The following PID1 variants were observed in gnomAD, a reference collection of about 807,000 sequenced individuals.
The protein encoded by PID1 is PTB-containing, cubilin and LRP1-interacting protein.
A neutral mutation model predicts 19.1 loss-of-function variants in PID1; 10 were observed. That is an observed-to-expected ratio of 0.52 (90% confidence interval 0.32 to 0.89). PID1 has a LOEUF of 0.89. PID1 is among the 40% of genes least tolerant of loss of function. PID1 has a pLI of 0.03. For synonymous variants in PID1, 130 were observed against 116.0 expected (o/e 1.12, Z -0.78); for missense variants, 248 against 285.3 (o/e 0.87, Z 0.94).
intron 2 of PID1, among the ~76,000 whole-genome samples, chr2:229,078,656 G>A (rs1201130540): frequency 1.3e-5 from 2 of 152,312 alleles, no homozygotes; most frequent in African/African-American, 4.8e-5. Context: ...AGATAATCAT[G>A]TGGTTTTTGT....
chr2:229,058,836 C>T (rs1271764063), intron 2 of PID1, among the ~76,000 whole-genome samples: 5 of 151,214 alleles, frequency 3.3e-5, no homozygotes, highest in Admixed American at 2.0e-4. Context: ...ATGAAATATG[C>T]TTACAGAGAA....
At chr2:229,150,330 G>A (rs1302286321) in intron 2 of PID1, among the ~76,000 whole-genome samples, 19 of 151,894 alleles carry the variant, frequency 1.3e-4, no homozygotes, top group Admixed American at 1.2e-3. Flanking sequence ...GGACATCCAA[G>A]GTTGCCTCAG....
chr2:229,077,703 G>A lies in PID1; in HGVS notation c.178-51595C>T, dbSNP rs75856599. ...AAAGATCAGATGGTTGTGGATGTGC[G>A]GTGTTATTTCTGAGACCTCTGTTCT... On this transcript the variant is annotated intron_variant, in intron 2 of 2. Transcript: ENST00000392055. 2.5e-3 allele frequency among the ~76,000 whole-genome samples: 387 copies of A among 152,152 alleles called. 8 individuals are homozygous for A. The highest frequency in any genetic ancestry group is 7.9e-4 in the Non-Finnish European group (54 of 68,002).
intron 1 of PID1, among the ~76,000 whole-genome samples, chr2:229,259,545 T>C (rs921708409): frequency 1.3e-5 from 2 of 152,262 alleles, no homozygotes; most frequent in Admixed American, 6.5e-5. Flanking sequence ...AGAAGTTTTA[T>C]AACTTTAGGT....
chr2:229,178,359 TAGC>T (rs1690869833), intron 1 of PID1, among the ~76,000 whole-genome samples: 1 of 152,156 alleles, frequency 6.6e-6, no homozygotes, highest in Non-Finnish European at 1.5e-5. Context: ...TGGCAGGCGT[TAGC>T]AGTTGTCTAA....
At chr2:229,261,406 C>G (rs1690458563) in intron 1 of PID1, among the ~76,000 whole-genome samples, 1 of 152,184 alleles carries the variant, frequency 6.6e-6, no homozygotes, top group African/African-American at 2.4e-5. Context: ...GAAACAACCT[C>G]AGAAGACTTG....
rs753730040 is a variant in PID1, at chr2:229,139,025, A to AAG, written c.177+16791_177+16792dup. 2.2e-3 allele frequency among the ~76,000 whole-genome samples: 193 copies of AAG among 88,158 alleles called. 6 individuals are homozygous for AAG. Among genetic ancestry groups the AAG allele is most frequent in the African/African-American group, 7.8e-3 (182 of 23,208 alleles). The allele number at this position is 88,158 out of a possible 152,430, so 57.8% of individuals were successfully genotyped here. A position where few individuals can be genotyped will look rare whatever the true frequency, so the allele number is the denominator to read the frequency against. On this transcript the variant is annotated intron_variant, in intron 2 of 2. Transcript: ENST00000392055. ...AAAGAAAGAAAGAAAGAAAGAAAGAAAGAAAGAAAGAAAGAGAAAGAAAGA... is the reference window on the plus strand; with the variant it reads ...AAAGAAAGAAAGAAAGAAAGAAAGAAAGAGAAAGAAAGAAAGAGAAAGAAAGA...
intron 2 of PID1, among the ~76,000 whole-genome samples, chr2:229,088,264 T>G (rs1694807568): frequency 6.6e-6 from 1 of 152,168 alleles, no homozygotes; most frequent in African/African-American, 2.4e-5. Context: ...TGCCCTTACA[T>G]GTGTCTTCAT....
intron 2 of PID1, among the ~76,000 whole-genome samples, chr2:229,104,057 A>G (rs751607052): frequency 2.0e-5 from 3 of 152,116 alleles, no homozygotes; most frequent in East Asian, 1.9e-4. Context: ...AAGTAATTCT[A>G]CCTTAGCTGG....
intron 1 of PID1, among the ~76,000 whole-genome samples, chr2:229,188,248 T>G (rs780000787): frequency 8.6e-5 from 13 of 151,812 alleles, no homozygotes; most frequent in Admixed American, 3.3e-4. Context: ...TTCTTGGTGG[T>G]CAGCTATGGT....
intron 2 of PID1, among the ~76,000 whole-genome samples, chr2:229,146,910 T>C (rs1690147269): frequency 6.6e-6 from 1 of 152,130 alleles, no homozygotes; most frequent in South Asian, 2.1e-4. Context: ...AAAGAATGGA[T>C]TGTCCCCCTA....
In PID1 at chr2:229,143,086, T is replaced by G. The variant is rs1328774039; in HGVS notation, c.177+12732A>C. 6.1e-5 allele frequency among the ~76,000 whole-genome samples: 9 copies of G among 147,372 alleles called. No homozygotes were observed. In the South Asian group the frequency reaches 2.1e-3, roughly 34 times the overall value. On this transcript the variant is annotated intron_variant, in intron 2 of 2. Coordinates refer to ENST00000392055, the MANE Select transcript of PID1 (RefSeq NM_001100818.2). ...TTGGAAATCATCATTCTCAGTAAAC[T>G]ATCACAAGAACAAAAAACCAAACAC...
At chr2:229,096,695 C>A (rs1216304846) in intron 2 of PID1, among the ~76,000 whole-genome samples, 1 of 152,184 alleles carries the variant, frequency 6.6e-6, no homozygotes, top group Admixed American at 6.5e-5. Context: ...CCTACATACT[C>A]AGAGCTTTCA....
At chr2:229,214,849 TAG>T (rs1202855387) in intron 1 of PID1, among the ~76,000 whole-genome samples, 2 of 151,762 alleles carry the variant, frequency 1.3e-5, no homozygotes, top group Non-Finnish European at 2.9e-5. Flanking sequence ...CATTTTTATA[TAG>T]ATACACACAC....
At chr2:229,176,225 G>A (rs1690820587) in intron 1 of PID1, among the ~76,000 whole-genome samples, 1 of 151,722 alleles carries the variant, frequency 6.6e-6, no homozygotes, top group African/African-American at 2.4e-5. Flanking sequence ...AGAAGGATAT[G>A]GAAACTTGAC....
At chr2:229,116,713 A>G (rs1043685371) in intron 2 of PID1, among the ~76,000 whole-genome samples, 2 of 152,156 alleles carry the variant, frequency 1.3e-5, no homozygotes, top group African/African-American at 2.4e-5. Context: ...CAGAACTGTG[A>G]GTCAGTTAAA....
chr2:229,254,420 G>T (rs548270121), intron 1 of PID1, among the ~76,000 whole-genome samples: 1 of 152,152 alleles, frequency 6.6e-6, no homozygotes, highest in South Asian at 2.1e-4. Context: ...CCAAGTCTGC[G>T]TTACAATGTC....
chr2:229,073,199 G>A (rs942017585), intron 2 of PID1, among the ~76,000 whole-genome samples: 2 of 152,218 alleles, frequency 1.3e-5, no homozygotes, highest in African/African-American at 2.4e-5. Context: ...CTAATTTTTT[G>A]TATTTTTAGT....
intron 1 of PID1, among the ~76,000 whole-genome samples, chr2:229,180,711 A>C: frequency 6.6e-6 from 1 of 152,152 alleles, no homozygotes; most frequent in East Asian, 1.9e-4. Context: ...CTTTCCTTTT[A>C]ATGACTTAAC....
Sources: gnomAD v4.1 joint callset for allele counts (sites outside exome capture counted in the v4.1 genomes callset) on GRCh38, gnomAD v4.1.1 for gene constraint, MANE v1.5 for transcripts, NCBI Gene and HGNC (gene_info 2026-07-23, HGNC 2026-07-21) for gene names.